RNF13: variants seen among roughly 807,000 people sequenced by gnomAD.
RNF13 encodes the protein ring finger protein 13, also known as E3 ubiquitin-protein ligase RNF13.
Under a neutral mutation model 37.7 loss-of-function variants are expected in RNF13, and 19 were observed. The ratio of observed to expected loss-of-function variants is 0.50; its 90% CI spans 0.35 to 0.74. The LOEUF (loss-of-function observed/expected upper bound fraction) is 0.74, where lower values mean the gene tolerates loss of function less well. RNF13 is among the 30% of genes least tolerant of loss of function. The pLI is 0.01. For synonymous variants in RNF13, 144 were observed against 157.8 expected, an observed-to-expected ratio of 0.91 and a Z score of 0.65; for missense variants, 375 against 453.0, an observed-to-expected ratio of 0.83 and a Z score of 1.56.
At chr3:149,835,451 G>T (rs1375268718) in intron 1 of RNF13, among the ~76,000 whole-genome samples, 2 of 151,940 alleles carry the variant, frequency 1.3e-5, no homozygotes, top group African/African-American at 2.4e-5. Context: ...AGTCCCTAAA[G>T]TCCATTGTAT....
chr3:149,829,547 G>A (rs1197305649), intron 1 of RNF13, among the ~76,000 whole-genome samples: 1 of 152,144 alleles, frequency 6.6e-6, no homozygotes, highest in Admixed American at 6.5e-5. Context: ...CTTAGATTAT[G>A]CTTGCTTTTA....
intron 8 of RNF13, among the ~76,000 whole-genome samples, chr3:149,929,409 G>A (rs1164176095): frequency 3.9e-5 from 6 of 152,096 alleles, no homozygotes; most frequent in Non-Finnish European, 7.4e-5. Flanking sequence ...CTGACACGTG[G>A]GGATTATGTG....
intron 3 of RNF13, among the ~76,000 whole-genome samples, chr3:149,867,128 GTCTC>G (rs886682209): frequency 3.9e-5 from 6 of 152,186 alleles, no homozygotes; most frequent in African/African-American, 1.4e-4. Flanking sequence ...TTGTATTGTA[GTCTC>G]TCTCTCCCTT....
chr3:149,944,422 A>G (rs1720571474), intron 8 of RNF13, among the ~76,000 whole-genome samples: 1 of 152,180 alleles, frequency 6.6e-6, no homozygotes, highest in Non-Finnish European at 1.5e-5. Flanking sequence ...GAACTAGTTT[A>G]CAGTCCCACC....
At chr3:149,913,098 G>A (rs978150794) in intron 7 of RNF13, among the ~76,000 whole-genome samples, 1 of 152,030 alleles carries the variant, frequency 6.6e-6, no homozygotes, top group Non-Finnish European at 1.5e-5. Flanking sequence ...TCATAGATTA[G>A]TTTAAAGATT....
intron 8 of RNF13, among the ~76,000 whole-genome samples, chr3:149,950,807 A>G (rs753282527): frequency 1.3e-5 from 2 of 152,102 alleles, no homozygotes; most frequent in South Asian, 4.1e-4. Flanking sequence ...CTGTGGCCCA[A>G]GGGTCTGAAC....
chr3:149,899,397 C>T (rs562420818), intron 5 of RNF13, among the ~76,000 whole-genome samples: 11 of 152,138 alleles, frequency 7.2e-5, no homozygotes, highest in Middle Eastern at 3.4e-3. Context: ...TGCAGTGAGC[C>T]GAGATCGTGC....
intron 1 of RNF13, among the ~76,000 whole-genome samples, chr3:149,838,612 T>C (rs1230277684): frequency 6.6e-6 from 1 of 152,040 alleles, no homozygotes; most frequent in Non-Finnish European, 1.5e-5. Flanking sequence ...ACGGCTGGGA[T>C]GCAGGGCACC....
intron 8 of RNF13, among the ~76,000 whole-genome samples, chr3:149,932,108 A>T (rs541454024): frequency 1.3e-5 from 2 of 152,226 alleles, no homozygotes; most frequent in Non-Finnish European, 2.9e-5. Context: ...GGTTGATTCC[A>T]TATCTTGGCT....
intron 7 of RNF13, among the ~76,000 whole-genome samples, chr3:149,914,328 G>A (rs1717283866): frequency 6.6e-6 from 1 of 151,612 alleles, no homozygotes; most frequent in Admixed American, 6.6e-5. Flanking sequence ...TAATTAGAGA[G>A]CTATATTTAG....
At position 149,860,269 on chromosome 3, in the gene RNF13, AAATATATATATATAT is replaced by A. The variant is rs1231580573; in HGVS notation, c.195+7675_195+7689del. 7.5e-4 allele frequency among the ~76,000 whole-genome samples: 75 copies of A among 100,328 alleles called. 1 individual carries two copies. The highest frequency in any genetic ancestry group is 2.5e-3 in the African/African-American group (72 of 28,432). The allele number at this position is 100,328 out of a possible 152,430, so 65.8% of individuals were successfully genotyped here. Reference sequence around the variant, plus strand: ...AGAGACTCCATCTAAAAAAAAAAAAAAATATATATATATATATATATATATATATATAACGTGTAT... The same window carrying A: ...AGAGACTCCATCTAAAAAAAAAAAAAATATATATATATATATAACGTGTAT... On this transcript the variant is annotated intron_variant, in intron 3 of 9. Coordinates refer to ENST00000392894, the MANE Select transcript of RNF13 (RefSeq NM_183381.3).
intron 8 of RNF13, among the ~76,000 whole-genome samples, chr3:149,925,771 T>A (rs1718573783): frequency 6.6e-6 from 1 of 152,172 alleles, no homozygotes; most frequent in Non-Finnish European, 1.5e-5. Context: ...ATTTTCAATT[T>A]TATTGGGTAA....
At chr3:149,860,684 C>G (rs997896009) in intron 3 of RNF13, among the ~76,000 whole-genome samples, 1 of 152,068 alleles carries the variant, frequency 6.6e-6, no homozygotes, top group African/African-American at 2.4e-5. Context: ...ATATGGAAAA[C>G]ACTTCAGGGC....
At chr3:149,907,731 G>A (rs1716569787) in intron 6 of RNF13, among the ~76,000 whole-genome samples, 2 of 152,190 alleles carry the variant, frequency 1.3e-5, no homozygotes, top group Non-Finnish European at 1.5e-5. Flanking sequence ...AAAATTCTTA[G>A]AAGAATACCT....
intron 2 of RNF13, among the ~76,000 whole-genome samples, chr3:149,850,040 C>T (rs1477022828): frequency 5.3e-5 from 8 of 150,390 alleles, no homozygotes; most frequent in South Asian, 2.1e-4. Context: ...TGTGCAGTGG[C>T]GCAATCTTGG....
chr3:149,826,873 C>T (rs891614243), intron 1 of RNF13, among the ~76,000 whole-genome samples: 2 of 152,168 alleles, frequency 1.3e-5, no homozygotes, highest in African/African-American at 2.4e-5. Context: ...CCTCATGCCT[C>T]AGCCTCCTGA....
At position 149,931,635 on chromosome 3, in the gene RNF13, G is replaced by T. The variant is rs532438333; in HGVS notation, c.700+10408G>T. Among the ~76,000 whole-genome samples the T allele has an allele frequency of 8.5e-5, 13 of 152,212 alleles. No individual in the cohort carries two copies. In the East Asian group the frequency reaches 9.7e-4, roughly 11 times the overall value. On this transcript the variant is annotated intron_variant, in intron 8 of 9. Transcript: ENST00000392894. The stretch of plus-strand genomic sequence containing the variant: ...TTGATACATGCATACAATATGTAAG[G>T]ATCAAATCAGGATAATTGGGATATT...
At chr3:149,815,367 T>C (rs1377098931) in intron 1 of RNF13, among the ~76,000 whole-genome samples, 6 of 152,252 alleles carry the variant, frequency 3.9e-5, no homozygotes, top group Non-Finnish European at 8.8e-5. Flanking sequence ...GCTTACTTCA[T>C]GTAGGTGTGA....
chr3:149,924,161 C>A (rs1051436192), intron 8 of RNF13, among the ~76,000 whole-genome samples: 1 of 151,832 alleles, frequency 6.6e-6, no homozygotes, highest in Non-Finnish European at 1.5e-5. Flanking sequence ...TTGGTCTGAA[C>A]AACAAAATGG....
Sources: gnomAD v4.1 joint callset for allele counts (sites outside exome capture counted in the v4.1 genomes callset) on GRCh38, gnomAD v4.1.1 for gene constraint, MANE v1.5 for transcripts, NCBI Gene and HGNC (gene_info 2026-07-23, HGNC 2026-07-21) for gene names.